Variants in BST1 observed in about 807,000 individuals in gnomAD.
BST1 encodes ADP-ribosyl cyclase/cyclic ADP-ribose hydrolase 2.
A neutral mutation model predicts 40.6 loss-of-function variants in BST1; 49 were observed. The ratio of observed to expected loss-of-function variants is 1.21; its 90% confidence interval spans 0.96 to 1.53. The LOEUF is 1.53. Ranked by LOEUF, BST1 falls within the 40% of genes most tolerant of loss-of-function variation. BST1 has a pLI of 0.00. For synonymous variants in BST1, 157 were observed against 159.3 expected (o/e 0.99, Z 0.11); for missense variants, 423 against 395.9 (o/e 1.07, Z -0.58).
Position 15,731,820 on chromosome 4 carries a change from T to A in BST1, c.932T>A (p.Val311Glu). ...GGTCTTATCATTCCCCTCTTTCTGGTGCTGGCTTCCAGGACTCAACTGTAA... is the reference window on the plus strand; with the variant it reads ...GGTCTTATCATTCCCCTCTTTCTGGAGCTGGCTTCCAGGACTCAACTGTAA... Reference protein sequence around the residue: ...RAGLIIPLFLVLASRTQL With the variant: ...RAGLIIPLFLELASRTQL Residue 311 changes from valine to glutamate, a missense_variant, in exon 9 of 9, where the codon GTG (valine) becomes GAG (glutamate). Transcript: ENST00000265016. 6.2e-7 allele frequency: 1 copy of A among 1,613,600 alleles called. No homozygotes were observed. The highest frequency in any genetic ancestry group is 1.1e-5 in the South Asian group (1 of 90,858).
At chr4:15,742,004 A>G (rs758624666), downstream of BST1, among the ~76,000 whole-genome samples, 1 of 152,218 alleles carries the variant, frequency 6.6e-6, no homozygotes, top group Non-Finnish European at 1.5e-5. Context: ...ACAAACAAAT[A>G]AAACTCCATT....
At chr4:15,712,161 G>A (rs535566489) in intron 4 of BST1, among the ~76,000 whole-genome samples, 28 of 152,154 alleles carry the variant, frequency 1.8e-4, no homozygotes, top group Admixed American at 3.9e-4. Context: ...TTTCCATTAT[G>A]TCCTGGTTAT....
rs1325919190 is a variant in BST1 at position 15,715,354 on chromosome 4, A to T, written c.604A>T (p.Ile202Phe). Residue 202 changes from isoleucine (I) to phenylalanine (F), a missense_variant, in exon 5 of 9, where the codon ATC (isoleucine) becomes TTC (phenylalanine). By Grantham distance (21) the Ile-to-Phe change is conservative (BLOSUM62 0). Coordinates refer to ENST00000265016, the MANE Select transcript of BST1 (RefSeq NM_004334.3). ...NGSEPTGAYP[I>F]KGFFADYEIP... is the part of the protein sequence containing the mutation. The stretch of plus-strand genomic sequence containing the variant: ...TTCAGAGCCAACAGGAGCCTATCCC[A>T]TCAAAGGGTAAGAACACCAGCACAT... 1 of 1,614,136 alleles carries T rather than the reference A, an allele frequency of 6.2e-7. No individual in the cohort carries two copies. Among genetic ancestry groups the T allele is most frequent in the Non-Finnish European group, 8.5e-7 (1 of 1,179,950 alleles).
At chr4:15,741,310 G>A (rs1721736185), downstream of BST1, among the ~76,000 whole-genome samples, 2 of 152,144 alleles carry the variant, frequency 1.3e-5, no homozygotes, top group South Asian at 4.1e-4. Flanking sequence ...TTGTCCAGGA[G>A]TAAAACATGG....
intron 2 of BST1, 60 bp from the exon 3 acceptor site, chr4:15,707,451 G>T (rs1055347426): frequency 4.3e-6 from 7 of 1,609,264 alleles, no homozygotes; most frequent in Admixed American, 1.7e-5. Context: ...ATGATATTGT[G>T]CCTGAGGAGT....
exon 7 of BST1, chr4:15,737,892 G>A (rs1485393318): frequency 6.4e-6 from 7 of 1,101,706 alleles, no homozygotes; most frequent in Non-Finnish European, 8.5e-6. Flanking sequence ...CAGAGGCTCT[G>A]GCAAGAGTTG....
In BST1 at chr4:15,732,358, C is replaced by G. The variant is rs2148897384; in HGVS notation, c.*513C>G. 6.3e-6 allele frequency: 1 copy of G among 158,660 alleles called. No homozygotes were observed. The highest frequency in any genetic ancestry group is 1.9e-4 in the East Asian group (1 of 5,216). 9.8% of individuals were successfully genotyped at this position (158,660 alleles called of 1,614,324 possible). On this transcript the variant is annotated 3_prime_UTR_variant, in exon 9 of 9. Transcript: ENST00000265016. Reference sequence around the variant, plus strand: ...TGAGAGACAGAGTTTCGCTCCTTTGCCCAGGCTGGAGTGAGGTGGGGAGAT... The same window carrying G: ...TGAGAGACAGAGTTTCGCTCCTTTGGCCAGGCTGGAGTGAGGTGGGGAGAT...
rs560635046 is a variant in BST1 at position 15,725,371 on chromosome 4, T to C, written c.851+2437T>C. Among the ~76,000 whole-genome samples the C allele has an allele frequency of 2.0e-5, 3 of 152,314 alleles. No homozygotes were observed. In the East Asian group the frequency reaches 5.8e-4, roughly 29 times the overall value. On this transcript the variant is annotated intron_variant, in intron 8 of 8. Transcript: ENST00000265016. ...TAGGAGCCAACATCCCAGGGTTCGG[T>C]GATGGATTTAAGTCCTCTCCTCATT...
chr4:15,718,736 C>T (rs1485272575), intron 6 of BST1, among the ~76,000 whole-genome samples, 171 bp from the exon 7 acceptor site: 1 of 152,216 alleles, frequency 6.6e-6, no homozygotes, highest in Non-Finnish European at 1.5e-5. Context: ...CTCTTGGGTC[C>T]TGCAGGTTTA....
At chr4:15,741,616 C>T (rs115441999), downstream of BST1, among the ~76,000 whole-genome samples, 2,241 of 152,132 alleles carry the variant, frequency 0.015, 53 homozygotes, top group African/African-American at 0.047. Context: ...CAAAGACACA[C>T]GTGGGTTTTC....
rs1012036868 is a variant in BST1, at chr4:15,722,592, A to ATT, written c.792-263_792-262dup. ...GCGTCTGCACCCAGATAATTTTTAG[A>ATT]TTTTTTTTTTTTTTTTTTTTTGTAG... On this transcript the variant is annotated intron_variant, in intron 7 of 8. Transcript: ENST00000265016. Among the ~76,000 whole-genome samples the ATT allele has an allele frequency of 1.1e-3, 128 of 120,296 alleles. 3 individuals are homozygous for ATT. The highest frequency in any genetic ancestry group is 2.9e-3 in the African/African-American group (86 of 30,094). The allele number at this position is 120,296 out of a possible 152,430, so 78.9% of individuals were successfully genotyped here. A position where few individuals can be genotyped will look rare whatever the true frequency, so the allele number is the denominator to read the frequency against.
downstream of BST1, chr4:15,737,777 A>G: frequency 7.8e-7 from 1 of 1,285,912 alleles, no homozygotes; most frequent in Non-Finnish European, 1.0e-6. Context: ...TACTTTCTGA[A>G]CCTGAACAGG....
chr4:15,718,216 A>G (rs1720614094), intron 6 of BST1, among the ~76,000 whole-genome samples: 1 of 151,522 alleles, frequency 6.6e-6, no homozygotes, highest in South Asian at 2.1e-4. Context: ...AAGGGAGGCC[A>G]TGCTGGAGCT....
chr4:15,731,716 C>T, intron 8 of BST1, 24 bp from the exon 9 acceptor site: 1 of 1,600,710 alleles, frequency 6.2e-7, no homozygotes. Flanking sequence ...CTGACACTTT[C>T]TCTATTTCCT....
intron 1 of BST1, chr4:15,705,082 A>G: frequency 1.4e-6 from 1 of 692,628 alleles, no homozygotes; most frequent in East Asian, 2.7e-5. Context: ...AGCCTTTTGC[A>G]GCATTGGGCC....
downstream of BST1, among the ~76,000 whole-genome samples, chr4:15,741,996 A>G (rs79663454): frequency 1.7e-3 from 266 of 152,334 alleles, 2 homozygotes; most frequent in African/African-American, 5.8e-3. Context: ...CATACAGTAC[A>G]AACAAATAAA....
chr4:15,739,302 A>G (rs911618143), downstream of BST1, among the ~76,000 whole-genome samples: 1 of 152,192 alleles, frequency 6.6e-6, no homozygotes. Context: ...TCTCTTTAAA[A>G]CATGTTTCAA....
chr4:15,749,834 A>G, the BST1 span, among the ~76,000 whole-genome samples: 1 of 152,166 alleles, frequency 6.6e-6, no homozygotes, highest in Non-Finnish European at 1.5e-5. Context: ...GCTACAAACA[A>G]TCCAGTTATA....
chr4:15,713,627 C>T (rs531982473), intron 4 of BST1, among the ~76,000 whole-genome samples: 8 of 152,158 alleles, frequency 5.3e-5, no homozygotes, highest in Non-Finnish European at 1.2e-4. Context: ...GATTTGAAAC[C>T]AGGCAGGCTG....
Sources: gnomAD v4.1 joint callset for allele counts (sites outside exome capture counted in the v4.1 genomes callset) on GRCh38, gnomAD v4.1.1 for gene constraint, MANE v1.5 for transcripts, NCBI Gene and HGNC (gene_info 2026-07-23, HGNC 2026-07-21) for gene names.